FAT3: variants seen among roughly 807,000 people sequenced by gnomAD.
The protein encoded by FAT3 is FAT atypical cadherin 3, also known as protocadherin Fat 3.
In FAT3, 95 loss-of-function variants were observed where a neutral mutation model predicts 310.2. That is an observed-to-expected ratio of 0.31 (90% CI 0.26 to 0.36). The LOEUF (loss-of-function observed/expected upper bound fraction) is 0.36. Ranked by LOEUF, FAT3 falls within the 10% of genes least tolerant of loss-of-function variation. The probability of loss-of-function intolerance (pLI) is 1.00; values close to 1 mark genes in which losing one functional copy is unlikely to be tolerated. For synonymous variants in FAT3, 2,314 were observed against 2,192.9 expected, an observed-to-expected ratio of 1.06 and a Z score of -1.54; for missense variants, 5,408 against 5,715.6, an observed-to-expected ratio of 0.95 and a Z score of 1.74.
At chr11:92,619,475 C>T (rs1940981936) in intron 3 of FAT3, among the ~76,000 whole-genome samples, 1 of 152,110 alleles carries the variant, frequency 6.6e-6, no homozygotes, top group Non-Finnish European at 1.5e-5. Flanking sequence ...CCAGCGAAGC[C>T]ACCTGGAATT....
intron 2 of FAT3, among the ~76,000 whole-genome samples, chr11:92,391,345 C>G (rs1319163740): frequency 6.6e-6 from 1 of 152,122 alleles, no homozygotes; most frequent in Admixed American, 6.6e-5. Context: ...GCCCCACCTC[C>G]CCAAGTGTTT....
At chr11:92,477,808 TAGAC>T (rs1369155085) in intron 2 of FAT3, among the ~76,000 whole-genome samples, 2 of 152,240 alleles carry the variant, frequency 1.3e-5, no homozygotes, top group Admixed American at 6.5e-5. Context: ...CAAGACCAGT[TAGAC>T]AGCTCAGGCT....
chr11:92,793,212 G>A (rs528500421), intron 9 of FAT3, among the ~76,000 whole-genome samples: 3 of 152,048 alleles, frequency 2.0e-5, no homozygotes, highest in South Asian at 2.1e-4. Flanking sequence ...TTTGATCTTG[G>A]ATTTTTCTTG....
intron 2 of FAT3, among the ~76,000 whole-genome samples, chr11:92,500,593 C>T (rs979047769): frequency 6.6e-6 from 1 of 151,936 alleles, no homozygotes; most frequent in African/African-American, 2.4e-5. Context: ...GAAGTTTTCC[C>T]ATTATCAGAA....
chr11:92,256,611 A>C (rs558422531), intron 1 of FAT3, among the ~76,000 whole-genome samples: 1 of 152,264 alleles, frequency 6.6e-6, no homozygotes, highest in East Asian at 1.9e-4. Flanking sequence ...TCTAAATGCA[A>C]GGTGCTGAGA....
Position 92,288,328 on chromosome 11 carries a change from AG to A in FAT3, c.-18+63155del, listed in dbSNP as rs554742651. On this transcript the variant is annotated intron_variant, in intron 1 of 27. Transcript: ENST00000525166. ...GAGAGTTACTAATCAAAGGACATAA[AG>A]TTTTAGTTGAGCAAGATGAGTAAAT... is the stretch of plus-strand genomic sequence containing the variant. Among the ~76,000 whole-genome samples, 1,284 of 152,234 alleles carry A rather than the reference AG, an allele frequency of 8.4e-3. 9 individuals carry two copies. Among genetic ancestry groups the A allele is most frequent in the Non-Finnish European group, 0.014 (936 of 68,008 alleles).
In FAT3 at chr11:92,800,007, A is replaced by G. The variant is rs1947290112; in HGVS notation, c.6994A>G (p.Asn2332Asp). The G allele has an allele frequency of 6.2e-7, 1 of 1,613,942 alleles. No individual in the cohort carries two copies. Among genetic ancestry groups the G allele is most frequent in the South Asian group, 1.1e-5 (1 of 91,074 alleles). The change falls in exon 10 of 28, where the codon AAT becomes GAT. Residue 2332 changes from asparagine (N) to aspartate (D), a missense_variant. Asn to Asp is a conservative substitution (Grantham distance 23). Coordinates refer to ENST00000525166, the MANE Select transcript of FAT3 (RefSeq NM_001367949.2). The stretch of plus-strand genomic sequence containing the variant: ...TTATCAGATTGTCCAGGATACCTAC[A>G]ATAGCACAGATTATTTTCACATAGA... The part of the protein sequence containing the change: ...VHYQIVQDTY[N>D]STDYFHIDSS...
In FAT3 at chr11:92,844,131, G is replaced by A; in HGVS notation, c.10764G>A (p.Leu3588=). 1 of 1,614,006 alleles carries A rather than the reference G, an allele frequency of 6.2e-7. No homozygotes were observed. The highest frequency in any genetic ancestry group is 8.5e-7 in the Non-Finnish European group (1 of 1,179,898). The change falls in exon 19 of 28, where the codon CTG becomes CTA. Residue 3588 remains leucine (L), a synonymous_variant. Coordinates refer to ENST00000525166, the MANE Select transcript of FAT3 (RefSeq NM_001367949.2). ...QDMYDVLTFA[L]KSEQKSLFKV... ...TGTATGATGTGCTCACATTTGCCCT[G>A]AAATCGGAGCAGAAAAGCTTATTTA...
Position 92,762,147 on chromosome 11 carries a change from G to T in FAT3, c.3961G>T (p.Ala1321Ser). ...GGTTTCTTCTAGAAAGCAGTTTACA[G>T]CAGGCAGTTATGACATCCTAACGGT... The part of the protein sequence containing the change: ...GMVSSRKQFT[A>S]GSYDILTIKA... Residue 1321 changes from alanine to serine, a missense_variant, in exon 5 of 28, where the codon GCA becomes TCA. Ala to Ser is a moderately conservative substitution (Grantham distance 99, BLOSUM62 1). Coordinates refer to ENST00000525166, the MANE Select transcript of FAT3 (RefSeq NM_001367949.2). The T allele has an allele frequency of 6.2e-7, 1 of 1,612,738 alleles. No individual in the cohort carries two copies. The highest frequency in any genetic ancestry group is 8.5e-7 in the Non-Finnish European group (1 of 1,179,054).
At chr11:92,685,138 C>T (rs1400642132) in intron 3 of FAT3, among the ~76,000 whole-genome samples, 1 of 152,160 alleles carries the variant, frequency 6.6e-6, no homozygotes, top group Non-Finnish European at 1.5e-5. Context: ...TGAGCCCTCT[C>T]TGATAGGTTA....
chr11:92,377,579 T>C (rs948100940), intron 2 of FAT3, among the ~76,000 whole-genome samples: 3 of 152,234 alleles, frequency 2.0e-5, no homozygotes, highest in Non-Finnish European at 4.4e-5. Flanking sequence ...CAGGATGTGG[T>C]TGTATAGGCT....
chr11:92,568,841 A>G (rs964232476), intron 3 of FAT3, among the ~76,000 whole-genome samples: 4 of 152,098 alleles, frequency 2.6e-5, no homozygotes, highest in Non-Finnish European at 4.4e-5. Flanking sequence ...CCAGACAGGT[A>G]CTCACAGTGT....
At chr11:92,654,817 A>C (rs1364542968) in intron 3 of FAT3, among the ~76,000 whole-genome samples, 1 of 152,166 alleles carries the variant, frequency 6.6e-6, no homozygotes, top group Non-Finnish European at 1.5e-5. Context: ...AACAAGTCAG[A>C]TCATATCAGT....
intron 1 of FAT3, among the ~76,000 whole-genome samples, chr11:92,253,740 G>C (rs1327377277): frequency 6.6e-6 from 1 of 152,104 alleles, no homozygotes; most frequent in Non-Finnish European, 1.5e-5. Context: ...CTGTGGTTTA[G>C]TCATATTTTT....
intron 2 of FAT3, among the ~76,000 whole-genome samples, chr11:92,520,612 A>G (rs1218842106): frequency 6.6e-6 from 1 of 152,102 alleles, no homozygotes; most frequent in Non-Finnish European, 1.5e-5. Context: ...AAAAGAGGTA[A>G]TGTGGATTTA....
chr11:92,709,087 A>G (rs1030769145), intron 4 of FAT3, among the ~76,000 whole-genome samples: 3 of 152,216 alleles, frequency 2.0e-5, no homozygotes, highest in African/African-American at 7.2e-5. Flanking sequence ...TAGTCTTACG[A>G]CTAGGATGGG....
intron 3 of FAT3, among the ~76,000 whole-genome samples, chr11:92,640,279 T>G (rs1342518492): frequency 6.6e-6 from 1 of 152,092 alleles, no homozygotes; most frequent in Non-Finnish European, 1.5e-5. Context: ...CAGGAGCCTC[T>G]CACTCCTGCC....
chr11:92,485,737 AC>A (rs1952361638), intron 2 of FAT3, among the ~76,000 whole-genome samples: 1 of 152,160 alleles, frequency 6.6e-6, no homozygotes. Flanking sequence ...GCTAGAACAA[AC>A]CAGAAAGGCA....
rs181560582 is a variant in FAT3 at position 92,721,565 on chromosome 11, G to A, written c.3669+24120G>A. ...AAATTGCAATTGCAATATTAAAGGC[G>A]CAAACCTCAACTGCCTAAGGAATTT... On this transcript the variant is annotated intron_variant, in intron 4 of 27. Transcript: ENST00000525166. 1.5e-3 allele frequency among the ~76,000 whole-genome samples: 232 copies of A among 152,204 alleles called. 1 individual carries two copies. Among genetic ancestry groups the A allele is most frequent in the Non-Finnish European group, 2.5e-3 (168 of 68,026 alleles).
Sources: gnomAD v4.1 joint callset for allele counts (sites outside exome capture counted in the v4.1 genomes callset) on GRCh38, gnomAD v4.1.1 for gene constraint, MANE v1.5 for transcripts, NCBI Gene and HGNC (gene_info 2026-07-23, HGNC 2026-07-21) for gene names.